TEDC1: variants seen among roughly 807,000 people sequenced by gnomAD.
TEDC1 encodes tubulin epsilon and delta complex protein 1.
A neutral mutation model predicts 59.9 loss-of-function variants in TEDC1; 54 were observed. That is an observed-to-expected ratio of 0.90 (90% CI 0.72 to 1.13). TEDC1 has a LOEUF of 1.13. Among genes scored for constraint, TEDC1 ranks in the 50% most tolerant of loss-of-function variants. The pLI is 0.00. For missense variants in TEDC1, 734 were observed against 683.4 expected, an observed-to-expected ratio of 1.07 and a Z score of -0.83; for synonymous variants, 353 against 298.1, an observed-to-expected ratio of 1.18 and a Z score of -1.90.
chr14:105,493,375 C>T (rs182951589), intron 4 of TEDC1, among the ~76,000 whole-genome samples: 13 of 152,246 alleles, frequency 8.5e-5, no homozygotes, highest in South Asian at 8.3e-4. Flanking sequence ...CCAGCTGCTC[C>T]GCTTACTTAT....
chr14:105,495,802 G>C, intron 5 of TEDC1, 78 bp from the exon 6 acceptor site: 1 of 1,207,510 alleles, frequency 8.3e-7, no homozygotes, highest in Non-Finnish European at 1.1e-6. Context: ...GGGCCTGGAA[G>C]TGAGGCCCCG....
intron 7 of TEDC1, 162 bp from the exon 8 acceptor site, chr14:105,497,636 G>C (rs2084377402): frequency 5.3e-6 from 6 of 1,136,448 alleles, no homozygotes; most frequent in Non-Finnish European, 7.3e-6. Flanking sequence ...TCAGCTCCAT[G>C]GCCTTCTAGA....
upstream of TEDC1, chr14:105,491,012 G>A: frequency 2.6e-6 from 4 of 1,549,316 alleles, no homozygotes; most frequent in South Asian, 1.2e-5. Context: ...GGGTCCGCAC[G>A]AGACAGAATA....
rs1555441000 is a variant in TEDC1 at position 105,498,644 on chromosome 14, T to C, written c.1186T>C (p.Trp396Arg). ...KAGGCGRGPE[W>R]SAARRASREA... ...TGGAGGCTGTGGACGGGGGCCAGAG[T>C]GGAGTGCCGCGCGGCGGGCCTCTCG... Residue 396 changes from tryptophan (W) to arginine (R), a missense_variant, in exon 9 of 9, where the codon TGG (tryptophan) becomes CGG (arginine). Transcript: ENST00000392523. 1.3e-6 allele frequency: 2 copies of C among 1,551,770 alleles called. No homozygotes were observed. The highest frequency in any genetic ancestry group is 1.7e-6 in the Non-Finnish European group (2 of 1,148,192).
chr14:105,498,742 T>G lies in TEDC1; in HGVS notation c.1284T>G (p.His428Gln). 6.4e-7 allele frequency: 1 copy of G among 1,558,690 alleles called. No individual in the cohort carries two copies. The change falls in exon 9 of 9, where the codon CAT becomes CAG. Residue 428 changes from histidine to glutamine, a missense_variant. Coordinates refer to ENST00000392523, the MANE Select transcript of TEDC1 (RefSeq NM_001367178.1). ...WERDGGPAQP[H>Q]GPHRLVRRED... The stretch of plus-strand genomic sequence containing the variant: ...GAGACGGTGGCCCGGCCCAGCCCCA[T>G]GGGCCACACCGGCTGGTGAGACGAG...
Position 105,499,039 on chromosome 14 carries a change from G to A in TEDC1, c.*93G>A, listed in dbSNP as rs1267810020. The A allele has an allele frequency of 2.4e-5, 32 of 1,344,736 alleles. No individual in the cohort carries two copies. Among genetic ancestry groups the A allele is most frequent in the African/African-American group, 2.9e-5 (2 of 68,356 alleles). 83.3% of individuals were successfully genotyped at this position (1,344,736 alleles called of 1,614,324 possible). ...AGATTCCAAGGCCAGGTGGCCGCAG[G>A]GACGATGCAGATGCAGAGCCCACGT... On this transcript the variant is annotated 3_prime_UTR_variant, in exon 9 of 9. Transcript: ENST00000392523.
At chr14:105,490,778 C>T (rs1209724749), upstream of TEDC1, 7 of 528,206 alleles carry the variant, frequency 1.3e-5, no homozygotes, top group East Asian at 2.4e-4. Context: ...GAAGGCGGCG[C>T]GATGGGGCGA....
upstream of TEDC1, chr14:105,490,751 C>G: frequency 2.2e-6 from 1 of 463,530 alleles, no homozygotes; most frequent in Non-Finnish European, 3.9e-6. Context: ...CTGGGCGCCT[C>G]CTGGCGGCCC....
chr14:105,491,221 C>T (rs1167188187), upstream of TEDC1: 4 of 1,542,934 alleles, frequency 2.6e-6, no homozygotes. Context: ...GGGCGCTGGA[C>T]CCGGCCCGTG....
intron 4 of TEDC1, 150 bp downstream of exon 4, chr14:105,492,884 C>CTGCAGCCTGCTCCACACTCT: frequency 8.4e-7 from 1 of 1,187,516 alleles, no homozygotes; most frequent in Non-Finnish European, 1.1e-6. Flanking sequence ...AGCCTGAGCC[C>CTGCAGCCTGCTCCACACTCT]GTGGTTCCCG....
chr14:105,491,648 C>A lies in TEDC1; in HGVS notation c.174C>A (p.Phe58Leu), dbSNP rs782609371. Residue 58 changes from phenylalanine to leucine, a missense_variant, in exon 2 of 9, where the codon TTC becomes TTA. Phe to Leu is a conservative substitution (Grantham distance 22). Transcript: ENST00000392523. ...CCTCCGCGCTCTGGCAGCTCCTCTT[C>A]CGTGTGCTCTCGCCACTCCCTGCGG... ...EATSALWQLL[F>L]RVLSPLPAGN... 3.4e-5 allele frequency: 52 copies of A among 1,549,650 alleles called. No individual in the cohort carries two copies. Among genetic ancestry groups the A allele is most frequent in the Non-Finnish European group, 4.5e-5 (52 of 1,146,856 alleles).
At position 105,493,393 on chromosome 14, in the gene TEDC1, C is replaced by T. The variant is rs115415018; in HGVS notation, c.586-442C>T. On this transcript the variant is annotated intron_variant, in intron 4 of 8. Coordinates refer to ENST00000392523, the MANE Select transcript of TEDC1 (RefSeq NM_001367178.1). ...GCTGCTCCGCTTACTTATGTGCCTACCTGTGACCCTCTGTGCCACCTTCCA... is the reference window on the plus strand; with the variant it reads ...GCTGCTCCGCTTACTTATGTGCCTATCTGTGACCCTCTGTGCCACCTTCCA... Among the ~76,000 whole-genome samples, 585 of 152,068 alleles carry T rather than the reference C, an allele frequency of 3.8e-3. 6 individuals carry two copies. The highest frequency in any genetic ancestry group is 0.013 in the African/African-American group (557 of 41,508).
Position 105,493,819 on chromosome 14 carries a change from G to A in TEDC1, c.586-16G>A, listed in dbSNP as rs782795011. The stretch of plus-strand genomic sequence containing the variant: ...TTGACTGCCACTCAGCCTGGGGTCT[G>A]CACTACCTGTTTTAGATCCACCTGT... On this transcript the variant is annotated splice_polypyrimidine_tract_variant and intron_variant, in intron 4 of 8. Coordinates refer to ENST00000392523, the MANE Select transcript of TEDC1 (RefSeq NM_001367178.1). The A allele has an allele frequency of 2.5e-6, 4 of 1,593,448 alleles. No individual in the cohort carries two copies. Among genetic ancestry groups the A allele is most frequent in the African/African-American group, 1.3e-5 (1 of 74,618 alleles).
chr14:105,491,939 G>T (rs1179838799), intron 2 of TEDC1, among the ~76,000 whole-genome samples, 168 bp from the exon 3 acceptor site: 1 of 152,232 alleles, frequency 6.6e-6, no homozygotes, highest in Non-Finnish European at 1.5e-5. Context: ...CGTCCCTGTT[G>T]GCCCCTGGTC....
chr14:105,491,921 C>T (rs2084222266), intron 2 of TEDC1, among the ~76,000 whole-genome samples, 186 bp from the exon 3 acceptor site: 1 of 152,260 alleles, frequency 6.6e-6, no homozygotes, highest in East Asian at 1.9e-4. Context: ...CCTACAAAGC[C>T]CTGGGGACGT....
At chr14:105,497,266 C>A in intron 6 of TEDC1, 91 bp from the exon 7 acceptor site, 1 of 1,282,990 alleles carries the variant, frequency 7.8e-7, no homozygotes, top group South Asian at 1.3e-5. Flanking sequence ...GGCGTTGGGC[C>A]GGGTGTCGGC....
In TEDC1 at chr14:105,497,469, C is replaced by G. The variant is rs375874494; in HGVS notation, c.978+26C>G. ...GTGAGGAAGCCCGCGCATCCCTCTC[C>G]CGGCATCCCTTCCCACAGCAGCCCC... On this transcript the variant is annotated intron_variant, in intron 7 of 8. Transcript: ENST00000392523. 5.8e-6 allele frequency: 9 copies of G among 1,538,956 alleles called. No individual in the cohort carries two copies. In the African/African-American group the frequency reaches 6.9e-5, roughly 12 times the overall value.
chr14:105,496,135 T>C, intron 6 of TEDC1, 49 bp downstream of exon 6: 1 of 33,494 alleles, frequency 3.0e-5, no homozygotes, highest in Non-Finnish European at 4.8e-5. Flanking sequence ...GACTTGGGGG[T>C]GGGTGGGAGG....
intron 4 of TEDC1, 42 bp from the exon 5 acceptor site, chr14:105,493,793 C>A: frequency 6.9e-7 from 1 of 1,456,948 alleles, no homozygotes; most frequent in Non-Finnish European, 9.5e-7. Context: ...GGGGGAGGTG[C>A]TTGACTGCCA....
Sources: allele counts gnomAD v4.1 joint callset (sites outside exome capture counted in the v4.1 genomes callset), GRCh38; gene constraint gnomAD v4.1.1; transcripts MANE v1.5; gene names NCBI Gene and HGNC (gene_info 2026-07-23, HGNC 2026-07-21).